Variants in SOBP observed in about 807,000 individuals in gnomAD.
SOBP encodes the protein sine oculis binding protein homolog.
A neutral mutation model predicts 53.6 loss-of-function variants in SOBP; 4 were observed. The observed-to-expected ratio is 0.07, with a 90% CI of 0.04 to 0.17. The LOEUF (loss-of-function observed/expected upper bound fraction) is 0.17. SOBP is among the 10% of genes least tolerant of loss of function. SOBP has a pLI of 1.00. For synonymous variants in SOBP, 584 were observed against 522.6 expected (o/e 1.12, Z -1.60); for missense variants, 1,088 against 1,204.7 (o/e 0.90, Z 1.43).
At chr6:107,500,880 G>A (rs952683505) in intron 1 of SOBP, among the ~76,000 whole-genome samples, 7 of 152,096 alleles carry the variant, frequency 4.6e-5, no homozygotes, top group African/African-American at 1.2e-4. Flanking sequence ...ATACAATAGT[G>A]TATACAACAG....
intron 6 of SOBP, among the ~76,000 whole-genome samples, chr6:107,645,597 A>G (rs1305094181): frequency 6.6e-6 from 1 of 152,022 alleles, no homozygotes; most frequent in African/African-American, 2.4e-5. Context: ...GTGACACTGC[A>G]GACAGTAGGC....
rs1436792494 is a variant in SOBP, at chr6:107,633,778, C to A, written c.934C>A (p.Pro312Thr). The A allele has an allele frequency of 5.6e-6, 9 of 1,614,108 alleles. No homozygotes were observed. The highest frequency in any genetic ancestry group is 3.3e-5 in the South Asian group (3 of 91,092). The stretch of plus-strand genomic sequence containing the variant: ...GCTAACAGATGCTCGGAGGAAGGCC[C>A]CCTCCCCGGTGGCTACAGCTGGCCA... The part of the protein sequence containing the change: ...IPLTDARRKA[P>T]SPVATAGQSQ... The change falls in exon 6 of 7, where the codon CCC (proline) becomes ACC (threonine). Residue 312 changes from proline (P) to threonine (T), a missense_variant. Transcript: ENST00000317357.
At chr6:107,511,838 C>T (rs1783178546) in intron 3 of SOBP, 1 of 152,290 alleles carries the variant, frequency 6.6e-6, no homozygotes, top group South Asian at 2.1e-4. Flanking sequence ...TGCTGCCTTT[C>T]CCCCCACAGA....
At chr6:107,564,246 C>G (rs1410768356) in intron 4 of SOBP, among the ~76,000 whole-genome samples, 1 of 152,092 alleles carries the variant, frequency 6.6e-6, no homozygotes, top group Non-Finnish European at 1.5e-5. Flanking sequence ...GCTTTTAATA[C>G]TAAGGAGCCT....
chr6:107,630,165 C>G (rs1032852098), intron 5 of SOBP, among the ~76,000 whole-genome samples: 1 of 152,162 alleles, frequency 6.6e-6, no homozygotes, highest in Non-Finnish European at 1.5e-5. Flanking sequence ...GAGCTCAGTG[C>G]GTAAATCCCT....
intron 5 of SOBP, among the ~76,000 whole-genome samples, chr6:107,610,754 C>A (rs1786558995): frequency 6.6e-6 from 1 of 151,990 alleles, no homozygotes; most frequent in Non-Finnish European, 1.5e-5. Flanking sequence ...CCCCATCTTT[C>A]TCTTTCTTTG....
At chr6:107,633,343 A>G (rs1219844527) in intron 5 of SOBP, among the ~76,000 whole-genome samples, 171 bp from the exon 6 acceptor site, 1 of 152,242 alleles carries the variant, frequency 6.6e-6, no homozygotes, top group Non-Finnish European at 1.5e-5. Flanking sequence ...TATAAAGCCA[A>G]CCCATCATTT....
At chr6:107,503,902 C>A in intron 2 of SOBP, 107 bp downstream of exon 2, 3 of 1,332,274 alleles carry the variant, frequency 2.3e-6, no homozygotes, top group Non-Finnish European at 3.2e-6. Flanking sequence ...GTTGATTATG[C>A]CAATGGTTGA....
At chr6:107,626,968 T>C (rs937953344) in intron 5 of SOBP, among the ~76,000 whole-genome samples, 7 of 152,150 alleles carry the variant, frequency 4.6e-5, no homozygotes, top group Admixed American at 2.0e-4. Context: ...ATTTCACTGC[T>C]TTGAGATTTC....
intron 3 of SOBP, among the ~76,000 whole-genome samples, chr6:107,525,076 A>G (rs1783623342): frequency 6.6e-6 from 1 of 152,216 alleles, no homozygotes; most frequent in South Asian, 2.1e-4. Flanking sequence ...CATCCATGTA[A>G]GTACCCTATG....
Position 107,529,493 on chromosome 6 carries a change from C to G in SOBP, c.422-3966C>G, listed in dbSNP as rs1393308797. ...GAGGAGATAGATGTCCCAGCAAATACTTTCGGAATTTCCCCTCAGTCTTGG... is the reference window on the plus strand; with the variant it reads ...GAGGAGATAGATGTCCCAGCAAATAGTTTCGGAATTTCCCCTCAGTCTTGG... On this transcript the variant is annotated intron_variant, in intron 3 of 6. Transcript: ENST00000317357. 3 of 985,280 alleles carry G rather than the reference C, an allele frequency of 3.0e-6. No homozygotes were observed. The African/African-American group carries it at 5.2e-5, about 17-fold the overall frequency. 61.0% of individuals were successfully genotyped at this position (985,280 alleles called of 1,614,324 possible). A position where few individuals can be genotyped will look rare whatever the true frequency, so the allele number is the denominator to read the frequency against.
chr6:107,495,783 T>A (rs1425035363), intron 1 of SOBP, among the ~76,000 whole-genome samples: 3 of 152,198 alleles, frequency 2.0e-5, no homozygotes, highest in Non-Finnish European at 4.4e-5. Flanking sequence ...GTAACCAAAC[T>A]TTTTATATCT....
At chr6:107,593,705 A>G (rs981228985) in intron 5 of SOBP, among the ~76,000 whole-genome samples, 2 of 152,180 alleles carry the variant, frequency 1.3e-5, no homozygotes, top group Admixed American at 1.3e-4. Context: ...TATACCTAGC[A>G]CCTAATAAAA....
chr6:107,639,731 A>G (rs1771225483), intron 6 of SOBP, among the ~76,000 whole-genome samples: 1 of 152,202 alleles, frequency 6.6e-6, no homozygotes, highest in African/African-American at 2.4e-5. Context: ...TGTTTATGGT[A>G]CATTGGGGAG....
At chr6:107,564,370 C>G (rs192947062) in intron 4 of SOBP, among the ~76,000 whole-genome samples, 9 of 152,210 alleles carry the variant, frequency 5.9e-5, no homozygotes, top group African/African-American at 9.6e-5. Flanking sequence ...ATCTCTCCCC[C>G]AGGAGGTCAC....
Position 107,612,226 on chromosome 6 carries a change from C to G in SOBP, c.670-21288C>G, listed in dbSNP as rs970471071. ...TGGCATTCCAAATGGTCAACATTGG[C>G]TCAACACTGAGTGAGAAGAAAAGGC... On this transcript the variant is annotated intron_variant, in intron 5 of 6. Transcript: ENST00000317357. Among the ~76,000 whole-genome samples the G allele has an allele frequency of 6.6e-5, 10 of 152,142 alleles. No individual in the cohort carries two copies. In the East Asian group the frequency reaches 1.9e-3, roughly 29 times the overall value.
Position 107,565,063 on chromosome 6 carries a change from T to C in SOBP, c.574-22017T>C, listed in dbSNP as rs185800517. ...GATGGTTGTAACACAAATTGTGAGA[T>C]TGTTGATGTTTTTCCTTTGGTTTGG... On this transcript the variant is annotated intron_variant, in intron 4 of 6. Coordinates refer to ENST00000317357, the MANE Select transcript of SOBP (RefSeq NM_018013.4). 2.0e-5 allele frequency among the ~76,000 whole-genome samples: 3 copies of C among 152,332 alleles called. No individual in the cohort carries two copies. The East Asian group carries it at 5.8e-4, about 29-fold the overall frequency.
intron 4 of SOBP, among the ~76,000 whole-genome samples, chr6:107,575,256 G>A (rs73516979): frequency 0.01 from 1,527 of 152,312 alleles, 29 homozygotes; most frequent in African/African-American, 0.035. Context: ...GCCAAAGTCT[G>A]TAAAATGCTT....
Position 107,589,870 on chromosome 6 carries a change from C to T in SOBP, c.669+2695C>T, listed in dbSNP as rs1404470933. 5.9e-5 allele frequency among the ~76,000 whole-genome samples: 9 copies of T among 152,182 alleles called. No homozygotes were observed. In the South Asian group the frequency reaches 6.2e-4, roughly 11 times the overall value. On this transcript the variant is annotated intron_variant, in intron 5 of 6. Transcript: ENST00000317357. Reference sequence around the variant, plus strand: ...GCACACACGTGCACACACACACACACGGGTGTTTTGCTGGCATATCTAAGT... The same window carrying T: ...GCACACACGTGCACACACACACACATGGGTGTTTTGCTGGCATATCTAAGT...
Sources: allele counts gnomAD v4.1 joint callset (sites outside exome capture counted in the v4.1 genomes callset), GRCh38; gene constraint gnomAD v4.1.1; transcripts MANE v1.5; gene names NCBI Gene and HGNC (gene_info 2026-07-23, HGNC 2026-07-21).